SPNS2: variants seen among roughly 807,000 people sequenced by gnomAD.
The protein encoded by SPNS2 is sphingosine-1-phosphate transporter SPNS2.
In SPNS2, 37 loss-of-function variants were observed where a neutral mutation model predicts 57.6. The observed-to-expected ratio is 0.64, with a 90% CI of 0.49 to 0.85. The LOEUF (loss-of-function observed/expected upper bound fraction) is 0.85, where lower values mean the gene tolerates loss of function less well. Among genes scored for constraint, SPNS2 ranks in the 40% least tolerant of loss-of-function variants. The pLI is 0.00. For synonymous variants in SPNS2, 440 were observed against 346.9 expected (o/e 1.27, Z -2.98); for missense variants, 831 against 779.1 (o/e 1.07, Z -0.79).
intron 3 of SPNS2, 147 bp from the exon 4 acceptor site, chr17:4,530,485 C>T (rs966108963): frequency 3.2e-6 from 3 of 936,506 alleles, no homozygotes; most frequent in Non-Finnish European, 4.8e-6. Context: ...GGGAGGTGGT[C>T]TTTACGGAGG....
At chr17:4,528,817 A>C (rs937921854) in intron 3 of SPNS2, among the ~76,000 whole-genome samples, 1 of 151,986 alleles carries the variant, frequency 6.6e-6, no homozygotes, top group African/African-American at 2.4e-5. Context: ...TCTGTCACCT[A>C]GGCTGATATG....
chr17:4,504,173 C>T (rs1258812149), intron 1 of SPNS2, among the ~76,000 whole-genome samples: 1 of 152,204 alleles, frequency 6.6e-6, no homozygotes, highest in Non-Finnish European at 1.5e-5. Flanking sequence ...GCCTTGCCCT[C>T]TTAGGTGGCC....
intron 2 of SPNS2, among the ~76,000 whole-genome samples, chr17:4,519,090 G>A (rs1317519747): frequency 3.9e-5 from 6 of 152,218 alleles, no homozygotes; most frequent in Non-Finnish European, 7.3e-5. Context: ...CCTGGCCCCC[G>A]CCCCACCCAT....
At position 4,499,214 on chromosome 17, in the gene SPNS2, A is replaced by C; in HGVS notation, c.167A>C (p.Glu56Ala). The C allele has an allele frequency of 1.4e-6, 2 of 1,412,550 alleles. No homozygotes were observed. Among genetic ancestry groups the C allele is most frequent in the Non-Finnish European group, 1.8e-6 (2 of 1,085,568 alleles). The allele number at this position is 1,412,550 out of a possible 1,614,324, so 87.5% of individuals were successfully genotyped here. A position where few individuals can be genotyped will look rare whatever the true frequency, so the allele number is the denominator to read the frequency against. ...GCTGGAGTCTCGGCCGCGGGCGATG[A>C]GGTGCAGACGCTGTCGGGCAGCGTA... ...GGAGVSAAGD[E>A]VQTLSGSVRR... The change falls in exon 1 of 13, where the codon GAG becomes GCG. Residue 56 changes from glutamate to alanine, a missense_variant. By Grantham distance (107) the Glu-to-Ala change is moderately radical (BLOSUM62 -1). Around this residue, in one of 2 missense-constraint regions of SPNS2, gnomAD observed 305 missense variants for 378.3 expected, o/e 0.81. Transcript: ENST00000329078. This position sits in a 1 kb window ranked among gnomAD's most constrained non-coding sequence, Gnocchi z 5.2.
chr17:4,513,674 G>C (rs1904911454), intron 2 of SPNS2, among the ~76,000 whole-genome samples: 1 of 152,154 alleles, frequency 6.6e-6, no homozygotes, highest in African/African-American at 2.4e-5. Flanking sequence ...TCAGTAAGTT[G>C]GGCAATGCCA....
In SPNS2 at chr17:4,536,270, A is replaced by G. The variant is rs1567597810; in HGVS notation, c.1451A>G (p.Asp484Gly). The G allele has an allele frequency of 1.2e-6, 2 of 1,612,242 alleles. No individual in the cohort carries two copies. Among genetic ancestry groups the G allele is most frequent in the Non-Finnish European group, 8.5e-7 (1 of 1,179,816 alleles). ...ACCCCCAAATCCTCGCAGATCTCAGACCTGATCCGCCAGAGCACTAAGGAC... is the reference window on the plus strand; with the variant it reads ...ACCCCCAAATCCTCGCAGATCTCAGGCCTGATCCGCCAGAGCACTAAGGAC... ...GSPYLIGFIS[D>G]LIRQSTKDSP... Residue 484 changes from aspartate to glycine, a missense_variant, in exon 11 of 13, where the codon GAC (aspartate) becomes GGC (glycine). Asp to Gly is a moderately conservative substitution (Grantham distance 94). Coordinates refer to ENST00000329078, the MANE Select transcript of SPNS2 (RefSeq NM_001124758.3).
In SPNS2 at chr17:4,511,521, C is replaced by A. The variant is rs1352577772; in HGVS notation, c.371-1726C>A. Among the ~76,000 whole-genome samples, 2 of 152,178 alleles carry A rather than the reference C, an allele frequency of 1.3e-5. No homozygotes were observed. Among genetic ancestry groups the A allele is most frequent in the African/African-American group, 4.8e-5 (2 of 41,436 alleles). On this transcript the variant is annotated intron_variant, in intron 1 of 12. Transcript: ENST00000329078. The surrounding 1 kb of genome is among the most constrained non-coding windows in gnomAD (Gnocchi z 4.6). ...TACACATCAGGAGGGGGAACAGAGTCCTGACCCAGAAAGGAATGGGTTGTG... is the reference window on the plus strand; with the variant it reads ...TACACATCAGGAGGGGGAACAGAGTACTGACCCAGAAAGGAATGGGTTGTG...
intron 2 of SPNS2, among the ~76,000 whole-genome samples, chr17:4,519,181 T>C (rs988522700): frequency 1.3e-5 from 2 of 152,096 alleles, no homozygotes; most frequent in African/African-American, 4.8e-5. Context: ...CATGTAAAAA[T>C]AGCCGTGGCT....
intron 2 of SPNS2, among the ~76,000 whole-genome samples, chr17:4,522,629 C>T (rs772218954): frequency 3.3e-5 from 5 of 152,214 alleles, no homozygotes; most frequent in South Asian, 2.1e-4. Context: ...CTCAGGCCCA[C>T]GGAGGAGCAG....
rs201723018 is a variant in SPNS2 at position 4,532,987 on chromosome 17, G to A, written c.946G>A (p.Val316Ile). ...MKALIRNRSY[V>I]FSSLATSAVS... Reference sequence around the variant, plus strand: ...CTGGCCTCTCCCCAGCCGCAGCTACGTCTTCTCCTCCCTGGCCACGTCGGC... The same window carrying A: ...CTGGCCTCTCCCCAGCCGCAGCTACATCTTCTCCTCCCTGGCCACGTCGGC... Residue 316 changes from valine (V) to isoleucine (I), a missense_variant, in exon 7 of 13, where the codon GTC (valine) becomes ATC (isoleucine). Transcript: ENST00000329078. 121 of 1,612,066 alleles carry A rather than the reference G, an allele frequency of 7.5e-5. No homozygotes were observed. The highest frequency in any genetic ancestry group is 2.3e-4 in the African/African-American group (17 of 74,910).
In SPNS2 at chr17:4,533,226, A is replaced by G; in HGVS notation, c.1089-17A>G. 3 of 1,588,140 alleles carry G rather than the reference A, an allele frequency of 1.9e-6. No individual in the cohort carries two copies. Among genetic ancestry groups the G allele is most frequent in the African/African-American group, 1.3e-5 (1 of 74,494 alleles). Reference sequence around the variant, plus strand: ...GAGCCGCCTCAACTCGTGCGCCACCATCCTCTGTCCCCACAGCCTCATCTT... The same window carrying G: ...GAGCCGCCTCAACTCGTGCGCCACCGTCCTCTGTCCCCACAGCCTCATCTT... On this transcript the variant is annotated splice_polypyrimidine_tract_variant and intron_variant, in intron 7 of 12. Coordinates refer to ENST00000329078, the MANE Select transcript of SPNS2 (RefSeq NM_001124758.3).
intron 1 of SPNS2, among the ~76,000 whole-genome samples, chr17:4,500,892 C>G (rs1243710584): frequency 6.6e-6 from 1 of 151,860 alleles, no homozygotes; most frequent in South Asian, 2.1e-4. Flanking sequence ...GTTTCTGGGT[C>G]GAGCTATCCC....
chr17:4,529,793 T>C (rs1165707201), intron 3 of SPNS2, among the ~76,000 whole-genome samples: 6 of 150,508 alleles, frequency 4.0e-5, no homozygotes, highest in African/African-American at 1.5e-4. Flanking sequence ...TAAGGGCAAA[T>C]GGGGAGATGG....
Position 4,525,133 on chromosome 17 carries a change from C to A in SPNS2, c.513C>A (p.Leu171=), listed in dbSNP as rs779060333. ...LGDRFNRKVI[L]SCGIFFWSAV... ...ACCGCTTCAACAGGAAGGTGATTCT[C>A]AGCTGCGGCATTTTCTTCTGGTCGG... is the stretch of plus-strand genomic sequence containing the variant. Residue 171 remains leucine, a synonymous_variant, in exon 3 of 13, where the codon CTC becomes CTA. Transcript: ENST00000329078. The A allele has an allele frequency of 8.7e-6, 14 of 1,614,096 alleles. No individual in the cohort carries two copies.
chr17:4,533,016 C>G lies in SPNS2; in HGVS notation c.975C>G (p.Val325=). The change falls in exon 7 of 13, where the codon GTC becomes GTG. Residue 325 remains valine, a synonymous_variant. Transcript: ENST00000329078. ...TCTCCTCCCTGGCCACGTCGGCTGT[C>G]TCCTTCGCCACGGGGGCCCTGGGCA... ...YVFSSLATSA[V]SFATGALGMW... 1 of 1,613,398 alleles carries G rather than the reference C, an allele frequency of 6.2e-7. No homozygotes were observed. The highest frequency in any genetic ancestry group is 8.5e-7 in the Non-Finnish European group (1 of 1,179,960).
intron 5 of SPNS2, among the ~76,000 whole-genome samples, chr17:4,531,980 C>T (rs78958112): frequency 0.019 from 2,932 of 152,204 alleles, 107 homozygotes; most frequent in African/African-American, 0.067. Flanking sequence ...GCTTCATACC[C>T]AAACAGCACC....
chr17:4,499,937 T>TGC lies in SPNS2; in HGVS notation c.370+524_370+525dup, dbSNP rs1904422653. 6.6e-6 allele frequency among the ~76,000 whole-genome samples: 1 copy of TGC among 151,790 alleles called. No homozygotes were observed. The highest frequency in any genetic ancestry group is 2.4e-5 in the African/African-American group (1 of 41,384). ...GTGCGCTAGGGAGACCGGGTGTGTG[T>TGC]GCGCGTGGCGGCGCGGTTGTGTGTG... is the stretch of plus-strand genomic sequence containing the variant. On this transcript the variant is annotated intron_variant, in intron 1 of 12. Coordinates refer to ENST00000329078, the MANE Select transcript of SPNS2 (RefSeq NM_001124758.3). The surrounding 1 kb of genome is among the most constrained non-coding windows in gnomAD (Gnocchi z 5.2).
chr17:4,533,261 C>G lies in SPNS2; in HGVS notation c.1107C>G (p.Ile369Met). 6.2e-7 allele frequency: 1 copy of G among 1,605,728 alleles called. No individual in the cohort carries two copies. Among genetic ancestry groups the G allele is most frequent in the Non-Finnish European group, 8.5e-7 (1 of 1,175,148 alleles). Residue 369 changes from isoleucine (I) to methionine (M), a missense_variant, in exon 8 of 13, where the codon ATC becomes ATG. Physicochemically the swap from Ile to Met is conservative, Grantham distance 10. Transcript: ENST00000329078. ...GAKDSLIFGA[I>M]TCFTGFLGVV... ...CCCACAGCCTCATCTTTGGGGCCAT[C>G]ACCTGCTTTACGGGATTTCTGGGCG... is the stretch of plus-strand genomic sequence containing the variant.
rs376970196 is a variant in SPNS2, at chr17:4,536,847, G to A, written c.1608-53G>A. 503 of 1,492,066 alleles carry A rather than the reference G, an allele frequency of 3.4e-4. 5 individuals carry two copies. The East Asian group carries it at 8.7e-3, about 26-fold the overall frequency. The allele number at this position is 1,492,066 out of a possible 1,614,324, so 92.4% of individuals were successfully genotyped here. ...GACACGATGTGCCAGAGCAGTGCCCGGGCCCGGCCCCCGCTGATGCACCAC... is the reference window on the plus strand; with the variant it reads ...GACACGATGTGCCAGAGCAGTGCCCAGGCCCGGCCCCCGCTGATGCACCAC... On this transcript the variant is annotated intron_variant, in intron 11 of 12. Coordinates refer to ENST00000329078, the MANE Select transcript of SPNS2 (RefSeq NM_001124758.3).
Sources: allele counts gnomAD v4.1 joint callset (sites outside exome capture counted in the v4.1 genomes callset), GRCh38; gene constraint gnomAD v4.1.1; regional missense constraint gnomAD v4.1.1; non-coding constraint Gnocchi (gnomAD v3.1); transcripts MANE v1.5; gene names NCBI Gene and HGNC (gene_info 2026-07-23, HGNC 2026-07-21).